Variants in VWA3A observed in about 807,000 individuals in gnomAD.
VWA3A encodes von Willebrand factor A domain-containing protein 3A.
A neutral mutation model predicts 160.4 loss-of-function variants in VWA3A; 134 were observed. That is an observed-to-expected ratio of 0.84 (90% CI 0.73 to 0.96). The LOEUF (loss-of-function observed/expected upper bound fraction) is 0.96. Ranked by LOEUF, VWA3A falls within the 40% of genes least tolerant of loss-of-function variation. VWA3A has a pLI of 0.00. For synonymous variants in VWA3A, 476 were observed against 543.4 expected (o/e 0.88, Z 1.72); for missense variants, 1,310 against 1,447.9 (o/e 0.90, Z 1.55).
intron 31 of VWA3A, 102 bp downstream of exon 31, chr16:22,152,736 C>A: frequency 6.7e-7 from 1 of 1,493,702 alleles, no homozygotes; most frequent in East Asian, 2.6e-5. Flanking sequence ...TCAAGTGAAC[C>A]TCCCACCTCG....
intron 22 of VWA3A, 101 bp downstream of exon 22, chr16:22,138,613 T>G (rs1598094169): frequency 4.0e-6 from 6 of 1,490,112 alleles, no homozygotes; most frequent in Non-Finnish European, 5.4e-6. Flanking sequence ...GGGATGGGGG[T>G]GGGTGCTTCA....
chr16:22,141,814 T>G, intron 24 of VWA3A, 122 bp downstream of exon 24: 4 of 754,456 alleles, frequency 5.3e-6, no homozygotes, highest in Non-Finnish European at 8.4e-6. Context: ...CTGGTGCCTC[T>G]GGAGCAAGCC....
chr16:22,103,647 AT>A, intron 6 of VWA3A, 118 bp downstream of exon 6: 1 of 1,213,360 alleles, frequency 8.2e-7, no homozygotes, highest in Non-Finnish European at 1.2e-6. Context: ...AAAAAAAGGC[AT>A]TTACTAACCT....
At chr16:22,107,854 G>A (rs372290449) in intron 6 of VWA3A, among the ~76,000 whole-genome samples, 3 of 152,234 alleles carry the variant, frequency 2.0e-5, no homozygotes, top group East Asian at 1.9e-4. Flanking sequence ...CCTAGGGCAC[G>A]CCAGTATTGT....
At chr16:22,141,362 G>A (rs192820698) in intron 23 of VWA3A, 2 of 647,678 alleles carry the variant, frequency 3.1e-6, no homozygotes, top group Admixed American at 2.2e-5. Context: ...CACAATGCCA[G>A]GGAAAGATCT....
At chr16:22,142,983 CT>C (rs2046181155) in intron 25 of VWA3A, among the ~76,000 whole-genome samples, 1 of 152,010 alleles carries the variant, frequency 6.6e-6, no homozygotes, top group Non-Finnish European at 1.5e-5. Context: ...AACCCCATCT[CT>C]ACTAAAAGTA....
rs1391407238 is a variant in VWA3A, at chr16:22,140,226, A to G, written c.2365A>G (p.Arg789Gly). The change falls in exon 23 of 34, where the codon AGA becomes GGA. Residue 789 changes from arginine (R) to glycine (G), a missense_variant. Transcript: ENST00000389398. ...KSLKWRPLSSRVGISPAAAQP... is the reference protein window; with the variant it reads ...KSLKWRPLSSGVGISPAAAQP... ...TCTGAAATGGCGTCCACTCAGTAGC[A>G]GAGTTGGCATCTCACCAGGTAAGGC... 1 of 1,613,688 alleles carries G rather than the reference A, an allele frequency of 6.2e-7. No homozygotes were observed.
At chr16:22,112,871 A>C (rs1445280498) in intron 8 of VWA3A, among the ~76,000 whole-genome samples, 1 of 152,234 alleles carries the variant, frequency 6.6e-6, no homozygotes, top group African/African-American at 2.4e-5. Context: ...CCCAACAGTC[A>C]CTACTGGGTG....
intron 15 of VWA3A, 115 bp downstream of exon 15, chr16:22,123,280 G>GGAGTT: frequency 8.6e-7 from 1 of 1,168,984 alleles, no homozygotes. Flanking sequence ...TTGTAAAGAG[G>GGAGTT]GACTGTGTGC....
chr16:22,123,111 C>T lies in VWA3A; in HGVS notation c.1383C>T (p.His461=), dbSNP rs769727916. 2.9e-5 allele frequency: 47 copies of T among 1,606,002 alleles called. No homozygotes were observed. Among genetic ancestry groups the T allele is most frequent in the South Asian group, 6.7e-5 (6 of 89,106 alleles). ...AGGCAATGATACAATTTGAATGGCA[C>T]GACGGGACAGTGAAGAACATTCATG... ...HEKAMIQFEW[H]DGTVKNIHVD... is the part of the protein sequence containing the mutation. Residue 461 remains histidine, a synonymous_variant, in exon 15 of 34, where the codon CAC becomes CAT. Transcript: ENST00000389398.
intron 6 of VWA3A, among the ~76,000 whole-genome samples, chr16:22,104,203 A>G (rs2045448773): frequency 6.6e-6 from 1 of 152,186 alleles, no homozygotes; most frequent in Non-Finnish European, 1.5e-5. Context: ...AAGTTTGATT[A>G]AGGGCTGGGC....
At position 22,117,192 on chromosome 16, in the gene VWA3A, A is replaced by G; in HGVS notation, c.990+16A>G. The G allele has an allele frequency of 1.3e-6, 2 of 1,569,926 alleles. No individual in the cohort carries two copies. Among genetic ancestry groups the G allele is most frequent in the East Asian group, 2.4e-5 (1 of 42,374 alleles). On this transcript the variant is annotated intron_variant, in intron 11 of 33. Transcript: ENST00000389398. ...AAAGATGGAGGTAAGCCCTTCTGTC[A>G]ACACATGGCCCCTCTTCTTCTCTCC...
chr16:22,125,091 A>G (rs1388866204), intron 16 of VWA3A, among the ~76,000 whole-genome samples: 2 of 151,888 alleles, frequency 1.3e-5, no homozygotes, highest in Non-Finnish European at 2.9e-5. Context: ...GAAGACCCCA[A>G]CCTATGGCGG....
intron 16 of VWA3A, among the ~76,000 whole-genome samples, chr16:22,124,955 GAACA>G (rs1172307567): frequency 6.6e-6 from 1 of 152,066 alleles, no homozygotes; most frequent in African/African-American, 2.4e-5. Flanking sequence ...ATTAGAGAAA[GAACA>G]AATAAGGCTA....
intron 1 of VWA3A, among the ~76,000 whole-genome samples, chr16:22,093,177 C>T (rs1034345086): frequency 6.6e-6 from 1 of 152,052 alleles, no homozygotes; most frequent in East Asian, 1.9e-4. Context: ...GCAAAAATGT[C>T]CTAGCTGTGA....
chr16:22,116,272 GAAA>G (rs1227949870), intron 9 of VWA3A: 17 of 353,512 alleles, frequency 4.8e-5, no homozygotes, highest in South Asian at 3.2e-4. Flanking sequence ...GAAAGAAAAA[GAAA>G]AGAAGAAGGA....
At chr16:22,142,612 T>C in intron 24 of VWA3A, 56 bp from the exon 25 acceptor site, 1 of 1,380,496 alleles carries the variant, frequency 7.2e-7, no homozygotes, top group South Asian at 1.2e-5. Flanking sequence ...TTTCATGAGG[T>C]TTGCAGGGGC....
Position 22,092,551 on chromosome 16 carries a change from G to C in VWA3A, c.-87G>C. 7 of 1,521,866 alleles carry C rather than the reference G, an allele frequency of 4.6e-6. No homozygotes were observed. The South Asian group carries it at 8.6e-5, about 19-fold the overall frequency. 94.3% of individuals were successfully genotyped at this position (1,521,866 alleles called of 1,614,324 possible). ...GCAAGCTTCGCTGCTGAGTTGCTTG[G>C]AGGAGCTTGGAGAAACCAGAAGTGA... On this transcript the variant is annotated 5_prime_UTR_variant, in exon 1 of 34. Transcript: ENST00000389398.
At chr16:22,113,304 G>C (rs2141878920) in intron 8 of VWA3A, among the ~76,000 whole-genome samples, 1 of 144,890 alleles carries the variant, frequency 6.9e-6, no homozygotes, top group East Asian at 2.1e-4. Flanking sequence ...CAATCCTCCT[G>C]CCTCAGCCTC....
Sources: gnomAD v4.1 joint callset for allele counts (sites outside exome capture counted in the v4.1 genomes callset) on GRCh38, gnomAD v4.1.1 for gene constraint, MANE v1.5 for transcripts, NCBI Gene and HGNC (gene_info 2026-07-23, HGNC 2026-07-21) for gene names.